ELAVL4: variants seen among roughly 807,000 people sequenced by gnomAD.
The protein encoded by ELAVL4 is ELAV-like protein 4.
A neutral mutation model predicts 35.6 loss-of-function variants in ELAVL4; 1 was observed. The ratio of observed to expected loss-of-function variants is 0.03; its 90% CI spans 0.01 to 0.13. The LOEUF (loss-of-function observed/expected upper bound fraction) is 0.13. Ranked by LOEUF, ELAVL4 falls within the 10% of genes least tolerant of loss-of-function variation. The probability of loss-of-function intolerance (pLI) is 1.00; values close to 1 mark genes in which losing one functional copy is unlikely to be tolerated. For synonymous variants in ELAVL4, 156 were observed against 171.0 expected (o/e 0.91, Z 0.69); for missense variants, 267 against 464.9 (o/e 0.57, Z 3.91).
In ELAVL4 at chr1:50,200,949, C is replaced by T; in HGVS notation, c.872C>T (p.Ser291Phe). The T allele has an allele frequency of 6.2e-7, 1 of 1,614,064 alleles. No individual in the cohort carries two copies. Among genetic ancestry groups the T allele is most frequent in the Non-Finnish European group, 8.5e-7 (1 of 1,179,992 alleles). The change falls in exon 7 of 7, where the codon TCC (serine) becomes TTC (phenylalanine). Residue 291 changes from serine (S) to phenylalanine (F), a missense_variant. By Grantham distance (155) the Ser-to-Phe change is radical. Around this residue, in one of 2 missense-constraint regions of ELAVL4, gnomAD observed 216 missense variants for 409.5 expected, o/e 0.53. Coordinates refer to ENST00000371824, the MANE Select transcript of ELAVL4 (RefSeq NM_001144774.3). ...TGGTGCATCTTTGTCTACAACCTGT[C>T]CCCCGATTCCGATGAGAGTGTCCTC... ...TGWCIFVYNL[S>F]PDSDESVLWQ...
chr1:50,104,020 T>C, upstream of ELAVL4: 3 of 1,613,836 alleles, frequency 1.9e-6, no homozygotes, highest in Non-Finnish European at 2.5e-6. Flanking sequence ...GCCACATCAC[T>C]GGATAGCCTG....
chr1:50,076,410 GTTA>G (rs1405233871), intron 1 of ELAVL4, among the ~76,000 whole-genome samples: 3 of 152,064 alleles, frequency 2.0e-5, no homozygotes, highest in Non-Finnish European at 2.9e-5. Context: ...TTTATTATTA[GTTA>G]TTATTGTTGA....
At chr1:50,167,048 T>C (rs1015995114) in intron 2 of ELAVL4, among the ~76,000 whole-genome samples, 8 of 152,252 alleles carry the variant, frequency 5.3e-5, no homozygotes, top group Admixed American at 4.6e-4. Context: ...CCACTTCCAC[T>C]TCCACCCCTT....
chr1:50,117,945 A>T (rs1436812696), intron 1 of ELAVL4, among the ~76,000 whole-genome samples: 1 of 152,106 alleles, frequency 6.6e-6, no homozygotes, highest in Admixed American at 6.6e-5. Flanking sequence ...AGGATTTCAC[A>T]AGCTGTATCC....
chr1:50,163,940 C>A (rs1410829366), intron 2 of ELAVL4, among the ~76,000 whole-genome samples: 3 of 152,150 alleles, frequency 2.0e-5, no homozygotes, highest in Non-Finnish European at 4.4e-5. Context: ...CAGGGCACAG[C>A]AGAAAGTACA....
chr1:50,197,650 CAA>C (rs1644138564), intron 6 of ELAVL4, 183 bp downstream of exon 6: 1 of 520,394 alleles, frequency 1.9e-6, no homozygotes, highest in Non-Finnish European at 3.2e-6. Context: ...TTAGGGCACA[CAA>C]AATGTATTTG....
At chr1:50,087,767 C>G (rs1479143039) in intron 1 of ELAVL4, among the ~76,000 whole-genome samples, 1 of 152,116 alleles carries the variant, frequency 6.6e-6, no homozygotes, top group African/African-American at 2.4e-5. Context: ...TTCTCTCCAC[C>G]ATGCAAGGAC....
chr1:50,178,998 T>C (rs1387700424), intron 3 of ELAVL4, among the ~76,000 whole-genome samples: 2 of 151,966 alleles, frequency 1.3e-5, no homozygotes, highest in Non-Finnish European at 2.9e-5. Flanking sequence ...AAGGCCACTG[T>C]GGTTCCCCAA....
intron 3 of ELAVL4, among the ~76,000 whole-genome samples, chr1:50,183,619 G>A (rs745915345): frequency 2.0e-5 from 3 of 152,026 alleles, no homozygotes; most frequent in East Asian, 1.9e-4. Flanking sequence ...CAGTGCCTCC[G>A]GGGGTCTTTC....
At chr1:50,076,907 G>A (rs1187343121) in intron 1 of ELAVL4, among the ~76,000 whole-genome samples, 1 of 152,158 alleles carries the variant, frequency 6.6e-6, no homozygotes, top group Non-Finnish European at 1.5e-5. Flanking sequence ...GTTGTAACCT[G>A]TGCAAGTCAC....
rs1018773818 is a variant in ELAVL4, at chr1:50,165,995, A to C, written c.251-11094A>C. On this transcript the variant is annotated intron_variant, in intron 2 of 6. Coordinates refer to ENST00000371824, the MANE Select transcript of ELAVL4 (RefSeq NM_001144774.3). Reference sequence around the variant, plus strand: ...GGGCAGGAAGCATCCAGCACAGGAGAAAGATGTAGGCTGGGAGGCTAGGCC... The same window carrying C: ...GGGCAGGAAGCATCCAGCACAGGAGCAAGATGTAGGCTGGGAGGCTAGGCC... Among the ~76,000 whole-genome samples, 13 of 151,982 alleles carry C rather than the reference A, an allele frequency of 8.6e-5. 1 individual carries two copies. Among genetic ancestry groups the C allele is most frequent in the South Asian group, 4.1e-4 (2 of 4,826 alleles).
At position 50,109,021 on chromosome 1, in the gene ELAVL4, GCCCACCCC is replaced by G; in HGVS notation, c.-164_-157del. The G allele has an allele frequency of 1.5e-6, 1 of 649,098 alleles. No homozygotes were observed. The highest frequency in any genetic ancestry group is 1.8e-6 in the Non-Finnish European group (1 of 556,912). 40.2% of individuals were successfully genotyped at this position (649,098 alleles called of 1,614,324 possible). ...TTTCTTTTTTTTCTTTCTCTCCCCC[GCCCACCCC>G]CCCAAAAATAATTGATTTGCTTTAC... On this transcript the variant is annotated 5_prime_UTR_variant, in exon 1 of 7. Coordinates refer to ENST00000371824, the MANE Select transcript of ELAVL4 (RefSeq NM_001144774.3).
chr1:50,196,850 G>A (rs1572631913), intron 5 of ELAVL4, among the ~76,000 whole-genome samples: 8 of 152,162 alleles, frequency 5.3e-5, no homozygotes, highest in Admixed American at 5.2e-4. Context: ...GTGAATGTGA[G>A]GAAGATTATA....
At chr1:50,071,222 T>C (rs1160350839) in intron 1 of ELAVL4, among the ~76,000 whole-genome samples, 1 of 152,252 alleles carries the variant, frequency 6.6e-6, no homozygotes, top group Non-Finnish European at 1.5e-5. Context: ...TACTTATTGC[T>C]ATCTAAAACT....
chr1:50,103,331 A>G (rs1666088817), upstream of ELAVL4, among the ~76,000 whole-genome samples: 1 of 152,128 alleles, frequency 6.6e-6, no homozygotes, highest in Non-Finnish European at 1.5e-5. Context: ...TCGACAGTGA[A>G]TTTCTGATAG....
At chr1:50,185,704 A>C (rs1681711153) in intron 3 of ELAVL4, among the ~76,000 whole-genome samples, 1 of 152,234 alleles carries the variant, frequency 6.6e-6, no homozygotes. Flanking sequence ...CTATCCCTAA[A>C]GTGAACATTA....
At chr1:50,090,862 T>C (rs1338788279) in intron 1 of ELAVL4, among the ~76,000 whole-genome samples, 2 of 152,130 alleles carry the variant, frequency 1.3e-5, no homozygotes, top group Non-Finnish European at 2.9e-5. Context: ...GAAAAGGAAA[T>C]AGGACTGGGT....
At position 50,139,507 on chromosome 1, in the gene ELAVL4, C is replaced by G. The variant is rs1672458165; in HGVS notation, c.10-5450C>G. Among the ~76,000 whole-genome samples the G allele has an allele frequency of 5.9e-5, 9 of 152,272 alleles. No homozygotes were observed. The South Asian group carries it at 1.9e-3, about 32-fold the overall frequency. On this transcript the variant is annotated intron_variant, in intron 1 of 6. Coordinates refer to ENST00000371824, the MANE Select transcript of ELAVL4 (RefSeq NM_001144774.3). The stretch of plus-strand genomic sequence containing the variant: ...AATTCAAGAAGGGTCTGCTCTTTGT[C>G]TTTGTTATCTCTGTATCCCCAGAGT...
intron 1 of ELAVL4, among the ~76,000 whole-genome samples, chr1:50,088,306 G>A (rs745672579): frequency 1.3e-5 from 2 of 152,128 alleles, no homozygotes; most frequent in Admixed American, 6.5e-5. Context: ...AATTATAGGC[G>A]AATACACATA....
Sources: allele counts gnomAD v4.1 joint callset (sites outside exome capture counted in the v4.1 genomes callset), GRCh38; gene constraint gnomAD v4.1.1; regional missense constraint gnomAD v4.1.1; transcripts MANE v1.5; gene names NCBI Gene and HGNC (gene_info 2026-07-23, HGNC 2026-07-21).